Variants in KCTD3 observed in about 807,000 individuals in gnomAD.
The protein encoded by KCTD3 is BTB/POZ domain-containing protein KCTD3.
In KCTD3, 41 loss-of-function variants were observed where a neutral mutation model predicts 85.8. The observed-to-expected ratio is 0.48, with a 90% CI of 0.37 to 0.62. KCTD3 has a LOEUF of 0.62. KCTD3 is among the 20% of genes least tolerant of loss of function. The probability of loss-of-function intolerance (pLI) is 0.00; values close to 1 mark genes in which losing one functional copy is unlikely to be tolerated. For synonymous variants in KCTD3, 338 were observed against 345.4 expected, an observed-to-expected ratio of 0.98 and a Z score of 0.24; for missense variants, 724 against 989.9, an observed-to-expected ratio of 0.73 and a Z score of 3.60.
intron 4 of KCTD3, among the ~76,000 whole-genome samples, chr1:215,577,070 T>A (rs994347521): frequency 7.2e-5 from 11 of 152,128 alleles, no homozygotes; most frequent in African/African-American, 2.7e-4. Context: ...TTCATGTTAC[T>A]TAACTTTACT....
intron 8 of KCTD3, among the ~76,000 whole-genome samples, chr1:215,582,059 T>A (rs76416573): frequency 6.6e-6 from 1 of 152,338 alleles, no homozygotes; most frequent in East Asian, 1.9e-4. Flanking sequence ...GAAGAGTAGT[T>A]GTGTGAATTG....
intron 10 of KCTD3, among the ~76,000 whole-genome samples, chr1:215,597,171 C>G (rs1490945276): frequency 6.8e-6 from 1 of 147,114 alleles, no homozygotes; most frequent in Non-Finnish European, 1.5e-5. Flanking sequence ...AGGACAGTTT[C>G]AATAAAATAT....
At chr1:215,585,097 G>A (rs975240475) in intron 8 of KCTD3, among the ~76,000 whole-genome samples, 24 of 152,186 alleles carry the variant, frequency 1.6e-4, no homozygotes, top group African/African-American at 5.8e-4. Flanking sequence ...CCCCAAAAAA[G>A]AGTTCTTGGA....
intron 10 of KCTD3, among the ~76,000 whole-genome samples, chr1:215,596,122 C>T (rs1325943901): frequency 6.6e-6 from 1 of 152,120 alleles, no homozygotes; most frequent in Admixed American, 6.5e-5. Context: ...CCTAAAATGA[C>T]AGGTCTGCTG....
intron 2 of KCTD3, 92 bp downstream of exon 2, chr1:215,573,931 G>A: frequency 9.9e-7 from 1 of 1,012,412 alleles, no homozygotes; most frequent in East Asian, 2.6e-5. Context: ...TAATAAAAAA[G>A]GTTAACTCTT....
At chr1:215,583,901 G>A (rs886617609) in intron 8 of KCTD3, among the ~76,000 whole-genome samples, 1 of 152,200 alleles carries the variant, frequency 6.6e-6, no homozygotes, top group Non-Finnish European at 1.5e-5. Context: ...AGAAAGCACT[G>A]AGTAAGCTTA....
At chr1:215,619,972 G>A (rs1320340650) in intron 17 of KCTD3, 85 bp from the exon 18 acceptor site, 2 of 933,340 alleles carry the variant, frequency 2.1e-6, no homozygotes, top group East Asian at 2.6e-5. Context: ...TTTATATAGT[G>A]TGTTTTATTG....
In KCTD3 at chr1:215,604,254, C is replaced by G; in HGVS notation, c.1261C>G (p.Arg421Gly). 6.2e-7 allele frequency: 1 copy of G among 1,613,802 alleles called. No individual in the cohort carries two copies. Among genetic ancestry groups the G allele is most frequent in the Non-Finnish European group, 8.5e-7 (1 of 1,179,852 alleles). Residue 421 changes from arginine to glycine, a missense_variant, in exon 13 of 18, where the codon CGA becomes GGA. This residue lies in a region of KCTD3 where 146 missense variants were observed against 320.3 expected (regional missense o/e 0.46). Transcript: ENST00000259154. ...GCTTTTTCAGACTTTCACAGTTCAC[C>G]GAAGTCCCGTAACAAAAATCATGCT... The part of the protein sequence containing the change: ...PQLFQTFTVH[R>G]SPVTKIMLSE...
intron 10 of KCTD3, among the ~76,000 whole-genome samples, chr1:215,600,101 A>G (rs1309675673): frequency 1.3e-5 from 2 of 152,188 alleles, no homozygotes; most frequent in South Asian, 2.1e-4. Flanking sequence ...ATCTTTACTG[A>G]TATCACTGAA....
chr1:215,604,013 G>T, intron 12 of KCTD3, 119 bp from the exon 13 acceptor site: 1 of 653,438 alleles, frequency 1.5e-6, no homozygotes, highest in Non-Finnish European at 2.5e-6. Flanking sequence ...AACTGGATTT[G>T]GGGCTGATAT....
At chr1:215,572,250 TTAC>T (rs1446757280) in intron 1 of KCTD3, among the ~76,000 whole-genome samples, 1 of 152,218 alleles carries the variant, frequency 6.6e-6, no homozygotes, top group Non-Finnish European at 1.5e-5. Flanking sequence ...CAATAAACAT[TTAC>T]TGGGTGTGTG....
intron 15 of KCTD3, among the ~76,000 whole-genome samples, chr1:215,615,598 C>T (rs1488957499): frequency 4.7e-5 from 7 of 148,416 alleles, no homozygotes; most frequent in South Asian, 2.1e-4. Flanking sequence ...CCAGCCTGGG[C>T]GACAGAGCAG....
At chr1:215,617,656 C>A (rs1655504653) in intron 15 of KCTD3, among the ~76,000 whole-genome samples, 1 of 151,588 alleles carries the variant, frequency 6.6e-6, no homozygotes, top group Non-Finnish European at 1.5e-5. Flanking sequence ...CTACATGCAG[C>A]AAGCCAAAAG....
At chr1:215,578,126 T>C (rs747371933) in intron 6 of KCTD3, 45 bp downstream of exon 6, 1 of 1,525,774 alleles carries the variant, frequency 6.6e-7, no homozygotes, top group Non-Finnish European at 9.0e-7. Context: ...CTTGTATCAT[T>C]AAGCAAGTAC....
At chr1:215,610,113 A>C (rs1299412813) in intron 14 of KCTD3, among the ~76,000 whole-genome samples, 1 of 151,970 alleles carries the variant, frequency 6.6e-6, no homozygotes, top group Non-Finnish European at 1.5e-5. Flanking sequence ...ATATCTTCAT[A>C]GACAAATGGA....
chr1:215,617,866 AAATATATAT>A (rs1412591635), intron 15 of KCTD3, among the ~76,000 whole-genome samples: 1 of 147,968 alleles, frequency 6.8e-6, no homozygotes, highest in African/African-American at 2.5e-5. Context: ...AATATATATT[AAATATATAT>A]AATATATATG....
At chr1:215,578,938 G>T in intron 6 of KCTD3, 62 bp from the exon 7 acceptor site, 1 of 1,180,562 alleles carries the variant, frequency 8.5e-7, no homozygotes, top group Non-Finnish European at 1.2e-6. Flanking sequence ...GTCACAATGT[G>T]ATATTTTTAA....
intron 12 of KCTD3, among the ~76,000 whole-genome samples, chr1:215,603,303 T>C (rs573631769): frequency 2.6e-5 from 4 of 152,286 alleles, no homozygotes; most frequent in South Asian, 4.1e-4. Flanking sequence ...ATGCTTTTTT[T>C]CCTTTGATTC....
In KCTD3 at chr1:215,619,241, T is replaced by A; in HGVS notation, c.1836T>A (p.Ser612Arg). 1 of 1,613,920 alleles carries A rather than the reference T, an allele frequency of 6.2e-7. No homozygotes were observed. Residue 612 changes from serine to arginine, a missense_variant, in exon 17 of 18, where the codon AGT (serine) becomes AGA (arginine). By Grantham distance (110) the Ser-to-Arg change is moderately radical. Transcript: ENST00000259154. ...STSRCATPNI[S>R]PATSVVQHSH... The stretch of plus-strand genomic sequence containing the variant: ...CTCGCTGTGCTACTCCTAACATCAG[T>A]CCAGCAACTTCCGTAGTTCAGCATA...
Sources: gnomAD v4.1 joint callset for allele counts (sites outside exome capture counted in the v4.1 genomes callset) on GRCh38, gnomAD v4.1.1 for gene constraint, gnomAD v4.1.1 regional missense constraint, MANE v1.5 for transcripts, NCBI Gene and HGNC (gene_info 2026-07-23, HGNC 2026-07-21) for gene names.